The following ZDHHC21 variants were observed in gnomAD, a reference collection of about 807,000 sequenced individuals.
ZDHHC21 encodes the protein palmitoyltransferase ZDHHC21.
A neutral mutation model predicts 34.6 loss-of-function variants in ZDHHC21; 15 were observed. That is an observed-to-expected ratio of 0.43 (90% CI 0.29 to 0.67). The LOEUF is 0.67. Among genes scored for constraint, ZDHHC21 ranks in the 30% least tolerant of loss-of-function variants. ZDHHC21 has a pLI of 0.14. For missense variants in ZDHHC21, 344 were observed against 327.7 expected (o/e 1.05, Z -0.38); for synonymous variants, 142 against 101.8 (o/e 1.40, Z -2.38).
chr9:14,635,998 A>G (rs1421880381), intron 8 of ZDHHC21, among the ~76,000 whole-genome samples: 1 of 152,212 alleles, frequency 6.6e-6, no homozygotes, highest in African/African-American at 2.4e-5. Context: ...AGAAAAGTAC[A>G]AAGCATATAT....
At chr9:14,660,531 T>G (rs1488611022) in intron 6 of ZDHHC21, among the ~76,000 whole-genome samples, 1 of 152,174 alleles carries the variant, frequency 6.6e-6, no homozygotes, top group Admixed American at 6.5e-5. Flanking sequence ...ATTTACACTG[T>G]ACATTTCCCC....
At chr9:14,604,619 G>A in the ZDHHC21 span, among the ~76,000 whole-genome samples, 1 of 152,108 alleles carries the variant, frequency 6.6e-6, no homozygotes, top group African/African-American at 2.4e-5. Context: ...ACATTAGCAT[G>A]TAATTAATCT....
intron 3 of ZDHHC21, among the ~76,000 whole-genome samples, chr9:14,677,906 A>C (rs1836714564): frequency 1.3e-5 from 2 of 152,246 alleles, no homozygotes. Flanking sequence ...TATAACATCA[A>C]GATGTAGATT....
chr9:14,618,601 A>T lies in ZDHHC21; in HGVS notation c.*365T>A. On this transcript the variant is annotated 3_prime_UTR_variant, in exon 10 of 10. Transcript: ENST00000380916. ...ATTTGGTTACTGTTTAAAAGTGAAA[A>T]TTTTAAATAAACATCTGAAATTTAC... 6.2e-6 allele frequency: 1 copy of T among 162,528 alleles called. No individual in the cohort carries two copies. Among genetic ancestry groups the T allele is most frequent in the Non-Finnish European group, 1.3e-5 (1 of 74,946 alleles). 10.1% of individuals were successfully genotyped at this position (162,528 alleles called of 1,614,324 possible).
chr9:14,622,397 A>C, intron 8 of ZDHHC21: 1 of 264,476 alleles, frequency 3.8e-6, no homozygotes, highest in Non-Finnish European at 5.8e-6. Flanking sequence ...TAGTAAAATT[A>C]TACCTGGAAT....
the ZDHHC21 span, among the ~76,000 whole-genome samples, chr9:14,597,160 C>T: frequency 1.3e-5 from 2 of 152,278 alleles, no homozygotes; most frequent in Non-Finnish European, 2.9e-5. Context: ...ATGTGTCCCA[C>T]ACACCCCGAG....
chr9:14,641,958 T>G (rs1829454002), intron 7 of ZDHHC21, among the ~76,000 whole-genome samples: 1 of 152,190 alleles, frequency 6.6e-6, no homozygotes, highest in Non-Finnish European at 1.5e-5. Flanking sequence ...ATGCACATAT[T>G]GCATTATAGC....
At chr9:14,693,058 G>A (rs1003211252) in intron 1 of ZDHHC21, among the ~76,000 whole-genome samples, 171 bp downstream of exon 1, 1 of 151,562 alleles carries the variant, frequency 6.6e-6, no homozygotes, top group Non-Finnish European at 1.5e-5. Flanking sequence ...AAACCCCCGG[G>A]TTCCAAACAG....
intron 1 of ZDHHC21, among the ~76,000 whole-genome samples, chr9:14,692,803 G>C (rs1253539593): frequency 6.6e-6 from 1 of 152,158 alleles, no homozygotes; most frequent in Non-Finnish European, 1.5e-5. Flanking sequence ...CTCTGGAATA[G>C]CACAGAGAAA....
intron 3 of ZDHHC21, among the ~76,000 whole-genome samples, chr9:14,676,715 T>C (rs140625840): frequency 6.6e-6 from 1 of 151,966 alleles, no homozygotes; most frequent in Non-Finnish European, 1.5e-5. Context: ...GGATAAAGCA[T>C]GCTATTTAAT....
At position 14,672,866 on chromosome 9, in the gene ZDHHC21, C is replaced by G. The variant is rs1189121040; in HGVS notation, c.217G>C (p.Gly73Arg). The G allele has an allele frequency of 6.2e-7, 1 of 1,609,190 alleles. No individual in the cohort carries two copies. Among genetic ancestry groups the G allele is most frequent in the Non-Finnish European group, 8.5e-7 (1 of 1,176,848 alleles). The change falls in exon 5 of 10, where the codon GGA becomes CGA. Residue 73 changes from glycine to arginine, a missense_variant. Transcript: ENST00000380916. ...ALVRASITDPGRLPENPKIPH... is the reference protein window; with the variant it reads ...ALVRASITDPRRLPENPKIPH... ...ATCTTGGGGTTCTCAGGGAGTCTTCCTGGATCAGTTATGGAGGCCCTCACT... is the reference window on the plus strand; with the variant it reads ...ATCTTGGGGTTCTCAGGGAGTCTTCGTGGATCAGTTATGGAGGCCCTCACT...
At chr9:14,600,964 C>T in the ZDHHC21 span, among the ~76,000 whole-genome samples, 1 of 152,160 alleles carries the variant, frequency 6.6e-6, no homozygotes, top group African/African-American at 2.4e-5. Context: ...AAAACTGAAA[C>T]TGACCCCTTC....
chr9:14,598,208 A>G, the ZDHHC21 span, among the ~76,000 whole-genome samples: 1 of 152,070 alleles, frequency 6.6e-6, no homozygotes, highest in Non-Finnish European at 1.5e-5. Flanking sequence ...AAGGGCCAAC[A>G]TACCTAGCCA....
chr9:14,636,202 G>T (rs548888534), intron 8 of ZDHHC21, among the ~76,000 whole-genome samples: 1 of 152,110 alleles, frequency 6.6e-6, no homozygotes, highest in Non-Finnish European at 1.5e-5. Context: ...CACATAGACT[G>T]AAAGTAAAGA....
chr9:14,650,849 T>C (rs1831123776), intron 7 of ZDHHC21, among the ~76,000 whole-genome samples: 1 of 151,988 alleles, frequency 6.6e-6, no homozygotes, highest in Non-Finnish European at 1.5e-5. Context: ...GCATTTCCTT[T>C]ATTGAAATTC....
chr9:14,625,108 T>C (rs1362336208), intron 8 of ZDHHC21, among the ~76,000 whole-genome samples: 1 of 151,630 alleles, frequency 6.6e-6, no homozygotes, highest in Non-Finnish European at 1.5e-5. Context: ...TTTAAATTTT[T>C]CCATAGCACT....
chr9:14,675,408 T>A (rs370592813), intron 3 of ZDHHC21, among the ~76,000 whole-genome samples: 1 of 151,936 alleles, frequency 6.6e-6, no homozygotes, highest in South Asian at 2.1e-4. Context: ...TTTTTAAAAA[T>A]ACATATTCCC....
At chr9:14,675,943 A>T (rs1267650854) in intron 3 of ZDHHC21, among the ~76,000 whole-genome samples, 1 of 151,978 alleles carries the variant, frequency 6.6e-6, no homozygotes, top group African/African-American at 2.4e-5. Context: ...GAGGTATTAC[A>T]ACCTGCCATC....
intron 8 of ZDHHC21, among the ~76,000 whole-genome samples, chr9:14,624,170 T>A (rs188871894): frequency 6.6e-6 from 1 of 152,254 alleles, no homozygotes; most frequent in East Asian, 1.9e-4. Context: ...TTACGTTGTA[T>A]CGGGTATTAT....
Sources: allele counts gnomAD v4.1 joint callset (sites outside exome capture counted in the v4.1 genomes callset), GRCh38; gene constraint gnomAD v4.1.1; transcripts MANE v1.5; gene names NCBI Gene and HGNC (gene_info 2026-07-23, HGNC 2026-07-21).